Variants in ZBTB7A observed in about 807,000 individuals in gnomAD.
ZBTB7A encodes the protein zinc finger and BTB domain containing 7A.
Under a neutral mutation model 26.7 loss-of-function variants are expected in ZBTB7A, and 7 were observed. The observed-to-expected ratio is 0.26, with a 90% CI of 0.15 to 0.49. The LOEUF (loss-of-function observed/expected upper bound fraction) is 0.49, where lower values mean the gene tolerates loss of function less well. ZBTB7A is among the 20% of genes least tolerant of loss of function. The pLI is 0.98. For missense variants in ZBTB7A, 617 were observed against 919.5 expected, an observed-to-expected ratio of 0.67 and a Z score of 4.25; for synonymous variants, 452 against 441.0, an observed-to-expected ratio of 1.02 and a Z score of -0.31.
intron 1 of ZBTB7A, among the ~76,000 whole-genome samples, chr19:4,060,703 G>C (rs1184111036): frequency 6.6e-6 from 1 of 152,220 alleles, no homozygotes; most frequent in Non-Finnish European, 1.5e-5. Flanking sequence ...GACCGGGGAA[G>C]GGGGACCGGC....
rs1471090565 is a variant in ZBTB7A, at chr19:4,046,189, GC to G, written c.*1562del. On this transcript the variant is annotated 3_prime_UTR_variant, in exon 3 of 3. Transcript: ENST00000322357. ...AGAAAGGGGGAGCGGGGGGAACACA[GC>G]ACGAACACCCCACAGTCCTGCCTTC... 23 of 397,494 alleles carry G rather than the reference GC, an allele frequency of 5.8e-5. No homozygotes were observed. Among genetic ancestry groups the G allele is most frequent in the Non-Finnish European group, 9.3e-5 (21 of 225,628 alleles). 24.6% of individuals were successfully genotyped at this position (397,494 alleles called of 1,614,324 possible).
At position 4,049,184 on chromosome 19, in the gene ZBTB7A, ATATATATATATATATATATATATATGT is replaced by A. The variant is rs1350753501; in HGVS notation, c.1263-967_1263-941del. Among the ~76,000 whole-genome samples, 14 of 24,736 alleles carry A rather than the reference ATATATATATATATATATATATATATGT, an allele frequency of 5.7e-4. No homozygotes were observed. The East Asian group carries it at 0.015, about 26-fold the overall frequency. The allele number at this position is 24,736 out of a possible 152,430, so 16.2% of individuals were successfully genotyped here. A position where few individuals can be genotyped will look rare whatever the true frequency, so the allele number is the denominator to read the frequency against. ...TGTGTGTGTGTATATATATATATATATATATATATATATATATATATATATGTAAGTTTGAGAGATGGGGGTTGAGCT... is the reference window on the plus strand; with the variant it reads ...TGTGTGTGTGTATATATATATATATAAAGTTTGAGAGATGGGGGTTGAGCT... On this transcript the variant is annotated intron_variant, in intron 2 of 2. Transcript: ENST00000322357.
Position 4,054,551 on chromosome 19 carries a change from G to A in ZBTB7A, c.682C>T (p.Arg228Trp). Residue 228 changes from arginine to tryptophan, a missense_variant, in exon 2 of 3, where the codon CGG (arginine) becomes TGG (tryptophan). By Grantham distance (101) the Arg-to-Trp change is moderately radical. Coordinates refer to ENST00000322357, the MANE Select transcript of ZBTB7A (RefSeq NM_015898.4). ...DFYGPGPPAE[R>W]PPTGDGDEGD... is the part of the protein sequence containing the mutation. ...TCGTCCCCGTCCCCCGTCGGGGGCC[G>A]CTCGGCCGGGGGGCCCGGCCCATAG... 2.7e-6 allele frequency: 4 copies of A among 1,466,418 alleles called. No individual in the cohort carries two copies. The highest frequency in any genetic ancestry group is 2.5e-5 in the East Asian group (1 of 39,860). 90.8% of individuals were successfully genotyped at this position (1,466,418 alleles called of 1,614,324 possible).
At chr19:4,060,286 G>A (rs1029374126) in intron 1 of ZBTB7A, among the ~76,000 whole-genome samples, 5 of 152,200 alleles carry the variant, frequency 3.3e-5, no homozygotes, top group Middle Eastern at 3.2e-3. Flanking sequence ...CCCACGCCCC[G>A]GCCCACCCAG....
chr19:4,053,395 G>A (rs1352387770), intron 2 of ZBTB7A, among the ~76,000 whole-genome samples: 3 of 152,150 alleles, frequency 2.0e-5, no homozygotes, highest in African/African-American at 7.2e-5. Context: ...GTGTGTCTGT[G>A]GGTGCATGTT....
At chr19:4,053,861 G>T in intron 2 of ZBTB7A, 110 bp downstream of exon 2, 1 of 1,282,202 alleles carries the variant, frequency 7.8e-7, no homozygotes, top group Non-Finnish European at 1.1e-6. Flanking sequence ...GTATGTGTGC[G>T]TCTGCGTGCA....
At chr19:4,064,971 C>A (rs945192627) in intron 1 of ZBTB7A, among the ~76,000 whole-genome samples, 1 of 151,954 alleles carries the variant, frequency 6.6e-6, no homozygotes, top group African/African-American at 2.4e-5. Flanking sequence ...TCCCAGAACC[C>A]GCAGAGGCCC....
At position 4,045,523 on chromosome 19, in the gene ZBTB7A, A is replaced by G. The variant is rs1350444633; in HGVS notation, c.*2229T>C. ...GGGAAGGGAACCAAAACCATCCTGTAGAAACAATATGAAAATTGCCTTCTT... is the reference window on the plus strand; with the variant it reads ...GGGAAGGGAACCAAAACCATCCTGTGGAAACAATATGAAAATTGCCTTCTT... On this transcript the variant is annotated 3_prime_UTR_variant, in exon 3 of 3. Transcript: ENST00000322357. The surrounding 1 kb of genome is among the most constrained non-coding windows in gnomAD (Gnocchi z 4.1). 1.3e-5 allele frequency: 2 copies of G among 158,378 alleles called. No homozygotes were observed. The highest frequency in any genetic ancestry group is 4.8e-5 in the African/African-American group (2 of 41,574). The allele number at this position is 158,378 out of a possible 1,614,324, so 9.8% of individuals were successfully genotyped here.
chr19:4,061,413 C>T lies in ZBTB7A; in HGVS notation c.-16+5269G>A, dbSNP rs559698578. ...GCGGCCTGTGTTGCAAGGTTGGTCC[C>T]GACGGGTAACCCCGCCCTGACCTGG... On this transcript the variant is annotated intron_variant, in intron 1 of 2. Coordinates refer to ENST00000322357, the MANE Select transcript of ZBTB7A (RefSeq NM_015898.4). Among the ~76,000 whole-genome samples, 6 of 152,242 alleles carry T rather than the reference C, an allele frequency of 3.9e-5. No individual in the cohort carries two copies. In the East Asian group the frequency reaches 7.7e-4, roughly 20 times the overall value.
At position 4,043,373 on chromosome 19, in the gene ZBTB7A, T is replaced by C. The variant is rs1465269020; in HGVS notation, c.*4379A>G. On this transcript the variant is annotated 3_prime_UTR_variant, in exon 3 of 3. Transcript: ENST00000322357. ...ACAAGAAAAATGAATTTTTTTGTTT[T>C]TTCATCTTTTGTGTTTTTGTTTGTT... Among the ~76,000 whole-genome samples, 1 of 151,894 alleles carries C rather than the reference T, an allele frequency of 6.6e-6. No homozygotes were observed. The highest frequency in any genetic ancestry group is 2.4e-5 in the African/African-American group (1 of 41,386).
chr19:4,065,974 C>T (rs1003514711), intron 1 of ZBTB7A, among the ~76,000 whole-genome samples: 1 of 146,810 alleles, frequency 6.8e-6, no homozygotes, highest in African/African-American at 2.5e-5. Flanking sequence ...CTCTCCGGCC[C>T]GCCGCTCACC....
rs185056015 is a variant in ZBTB7A, at chr19:4,048,954, G to T, written c.1263-710C>A. On this transcript the variant is annotated intron_variant, in intron 2 of 2. Coordinates refer to ENST00000322357, the MANE Select transcript of ZBTB7A (RefSeq NM_015898.4). The surrounding 1 kb of genome is among the most constrained non-coding windows in gnomAD (Gnocchi z 6.7). ...GATCACGCCACTGCCCTCCAACCTC[G>T]GTGACAGAATGAGACTGTCTCCAAA... 1.4e-5 allele frequency among the ~76,000 whole-genome samples: 2 copies of T among 147,074 alleles called. No individual in the cohort carries two copies. Among genetic ancestry groups the T allele is most frequent in the Non-Finnish European group, 3.0e-5 (2 of 66,512 alleles).
At chr19:4,059,634 G>A (rs2040618987) in intron 1 of ZBTB7A, among the ~76,000 whole-genome samples, 2 of 152,100 alleles carry the variant, frequency 1.3e-5, no homozygotes, top group South Asian at 4.1e-4. Context: ...TGATGGAGGG[G>A]CCGGTCCCCC....
At position 4,046,031 on chromosome 19, in the gene ZBTB7A, T is replaced by C. The variant is rs1158727282; in HGVS notation, c.*1721A>G. ...CGGGAGGGACAGGCGTGTTGGGGGA[T>C]TGGGGGGTGCCGGATGGGGATCGGG... On this transcript the variant is annotated 3_prime_UTR_variant, in exon 3 of 3. Transcript: ENST00000322357. 2.5e-6 allele frequency: 1 copy of C among 398,328 alleles called. No individual in the cohort carries two copies. The highest frequency in any genetic ancestry group is 2.1e-5 in the African/African-American group (1 of 48,370). The allele number at this position is 398,328 out of a possible 1,614,324, so 24.7% of individuals were successfully genotyped here. A position where few individuals can be genotyped will look rare whatever the true frequency, so the allele number is the denominator to read the frequency against.
At position 4,054,042 on chromosome 19, in the gene ZBTB7A, C is replaced by A. The variant is rs947443348; in HGVS notation, c.1191G>T (p.Leu397=). 2 of 1,612,208 alleles carry A rather than the reference C, an allele frequency of 1.2e-6. No individual in the cohort carries two copies. Among genetic ancestry groups the A allele is most frequent in the Non-Finnish European group, 1.7e-6 (2 of 1,179,836 alleles). The change falls in exon 2 of 3, where the codon CTG becomes CTT. Residue 397 remains leucine (L), a synonymous_variant. Transcript: ENST00000322357. ...CCGTGTGGGTGCGGATGTGTCGCGG[C>A]AGCTTGCCGGCGCCCTGGATGACCT... The part of the protein sequence containing the change: ...CEKVIQGAGK[L]PRHIRTHTGE...
rs1042976764 is a variant in ZBTB7A at position 4,046,736 on chromosome 19, G to A, written c.*1016C>T. On this transcript the variant is annotated 3_prime_UTR_variant, in exon 3 of 3. Transcript: ENST00000322357. ...ATCGTGACTCTGTTTATCCCACACT[G>A]TTGCCTGCTCCTCTGAGGAAAAGTA... 6.7e-6 allele frequency: 1 copy of A among 148,288 alleles called. No individual in the cohort carries two copies. Among genetic ancestry groups the A allele is most frequent in the Non-Finnish European group, 1.5e-5 (1 of 67,256 alleles). The allele number at this position is 148,288 out of a possible 1,614,324, so 9.2% of individuals were successfully genotyped here. A position where few individuals can be genotyped will look rare whatever the true frequency, so the allele number is the denominator to read the frequency against.
intron 1 of ZBTB7A, chr19:4,062,163 G>A (rs1398044785): frequency 6.6e-6 from 1 of 152,270 alleles, no homozygotes; most frequent in Non-Finnish European, 1.5e-5. Context: ...CATCCTGATA[G>A]GTGGGATGGG....
At chr19:4,050,172 G>A (rs1599250535) in intron 2 of ZBTB7A, among the ~76,000 whole-genome samples, 2 of 152,176 alleles carry the variant, frequency 1.3e-5, no homozygotes, top group Non-Finnish European at 2.9e-5. Flanking sequence ...TGATCCACCC[G>A]CCTCGGCCTC....
chr19:4,049,799 G>A lies in ZBTB7A; in HGVS notation c.1263-1555C>T, dbSNP rs2040478572. Among the ~76,000 whole-genome samples the A allele has an allele frequency of 2.0e-5, 3 of 152,316 alleles. No homozygotes were observed. In the South Asian group the frequency reaches 6.2e-4, roughly 32 times the overall value. ...ACAAGCTACGCTGGGGCCTTTGCAT[G>A]TGCTGCTCCCGCAGTCCGGGGTACT... On this transcript the variant is annotated intron_variant, in intron 2 of 2. Transcript: ENST00000322357.
Sources: gnomAD v4.1 joint callset for allele counts (sites outside exome capture counted in the v4.1 genomes callset) on GRCh38, gnomAD v4.1.1 for gene constraint, Gnocchi (gnomAD v3.1) non-coding constraint, MANE v1.5 for transcripts, NCBI Gene and HGNC (gene_info 2026-07-23, HGNC 2026-07-21) for gene names.